Variants in HMGCLL1 observed in about 807,000 individuals in gnomAD.
The protein encoded by HMGCLL1 is 3-hydroxymethyl-3-methylglutaryl-CoA lyase, cytoplasmic.
Under a neutral mutation model 39.1 loss-of-function variants are expected in HMGCLL1, and 36 were observed. The observed-to-expected ratio is 0.92, with a 90% CI of 0.71 to 1.22. The LOEUF is 1.22. HMGCLL1 is among the 50% of genes most tolerant of loss of function. The probability of loss-of-function intolerance (pLI) is 0.00; values close to 1 mark genes in which losing one functional copy is unlikely to be tolerated. For synonymous variants in HMGCLL1, 149 were observed against 144.0 expected, an observed-to-expected ratio of 1.03 and a Z score of -0.25; for missense variants, 451 against 416.5, an observed-to-expected ratio of 1.08 and a Z score of -0.72.
At chr6:55,630,749 T>C in the HMGCLL1 span, among the ~76,000 whole-genome samples, 1 of 143,334 alleles carries the variant, frequency 7.0e-6, no homozygotes, top group Non-Finnish European at 1.5e-5. Context: ...AGGGGGACTC[T>C]CCTACACAAG....
chr6:55,634,398 G>A, the HMGCLL1 span, among the ~76,000 whole-genome samples: 20 of 104,832 alleles, frequency 1.9e-4, no homozygotes, highest in Admixed American at 1.9e-3. Flanking sequence ...CAGAATCCCT[G>A]AGTAAGCTTT....
intron 3 of HMGCLL1, among the ~76,000 whole-genome samples, chr6:55,521,159 C>T (rs1768020274): frequency 6.6e-6 from 1 of 152,044 alleles, no homozygotes; most frequent in Admixed American, 6.6e-5. Context: ...TTTAGGCTTT[C>T]AATATGTTCC....
At chr6:55,589,186 A>T in the HMGCLL1 span, among the ~76,000 whole-genome samples, 2 of 152,188 alleles carry the variant, frequency 1.3e-5, no homozygotes. Flanking sequence ...ATCCAGCAAC[A>T]CATCAAAAAC....
Position 55,477,247 on chromosome 6 carries a change from A to G in HMGCLL1, c.795+18172T>C, listed in dbSNP as rs756620635. On this transcript the variant is annotated intron_variant, in intron 7 of 8. Coordinates refer to ENST00000274901, the MANE Select transcript of HMGCLL1 (RefSeq NM_001042406.2). ...TATATAATATATATTATATTTATATAATATATAATATATATTATATAATAT... is the reference window on the plus strand; with the variant it reads ...TATATAATATATATTATATTTATATGATATATAATATATATTATATAATAT... Among the ~76,000 whole-genome samples, 42 of 17,856 alleles carry G rather than the reference A, an allele frequency of 2.4e-3. 5 individuals are homozygous for G. Among genetic ancestry groups the G allele is most frequent in the African/African-American group, 8.6e-3 (19 of 2,200 alleles). 11.7% of individuals were successfully genotyped at this position (17,856 alleles called of 152,430 possible). A position where few individuals can be genotyped will look rare whatever the true frequency, so the allele number is the denominator to read the frequency against.
intron 1 of HMGCLL1, among the ~76,000 whole-genome samples, chr6:55,562,939 G>C (rs2127471550): frequency 6.6e-6 from 1 of 151,856 alleles, no homozygotes; most frequent in South Asian, 2.1e-4. Flanking sequence ...AAAAAAAAAT[G>C]CTTTGATATA....
intron 7 of HMGCLL1, among the ~76,000 whole-genome samples, chr6:55,490,787 A>T (rs963388002): frequency 1.3e-5 from 2 of 150,676 alleles, no homozygotes; most frequent in African/African-American, 4.9e-5. Context: ...ATCCCTAAAG[A>T]CAAAATCTAA....
chr6:55,605,794 A>G, the HMGCLL1 span, among the ~76,000 whole-genome samples: 66 of 152,046 alleles, frequency 4.3e-4, no homozygotes, highest in Non-Finnish European at 7.2e-4. Context: ...CACCTTCCCA[A>G]ACTCCTGAGT....
At chr6:55,440,266 C>A (rs1763537965) in intron 7 of HMGCLL1, among the ~76,000 whole-genome samples, 2 of 152,116 alleles carry the variant, frequency 1.3e-5, no homozygotes, top group African/African-American at 4.8e-5. Context: ...GAAGTAGATA[C>A]TCTTGTATCA....
intron 3 of HMGCLL1, among the ~76,000 whole-genome samples, chr6:55,537,035 C>T (rs1769075533): frequency 6.6e-6 from 1 of 152,214 alleles, no homozygotes; most frequent in African/African-American, 2.4e-5. Flanking sequence ...TATATGTAAG[C>T]TGTTGTACTA....
At chr6:55,622,893 G>C in the HMGCLL1 span, among the ~76,000 whole-genome samples, 1 of 152,012 alleles carries the variant, frequency 6.6e-6, no homozygotes, top group East Asian at 1.9e-4. Flanking sequence ...TGGGTCCTGG[G>C]CTTTTCTTTG....
chr6:55,632,724 A>G, the HMGCLL1 span, among the ~76,000 whole-genome samples: 1 of 152,176 alleles, frequency 6.6e-6, no homozygotes, highest in Non-Finnish European at 1.5e-5. Context: ...AATGGATTTG[A>G]GCTCCTGAAG....
chr6:55,576,011 AT>A (rs1197938953), intron 1 of HMGCLL1, among the ~76,000 whole-genome samples: 1 of 152,242 alleles, frequency 6.6e-6, no homozygotes, highest in Non-Finnish European at 1.5e-5. Flanking sequence ...ATTATTGGCC[AT>A]AAAAAATTAA....
At chr6:55,673,493 T>C in the HMGCLL1 span, among the ~76,000 whole-genome samples, 1 of 151,774 alleles carries the variant, frequency 6.6e-6, no homozygotes, top group Non-Finnish European at 1.5e-5. Context: ...TAAAAACAAG[T>C]TGGGAATAAA....
the HMGCLL1 span, among the ~76,000 whole-genome samples, chr6:55,636,837 G>A: frequency 6.6e-6 from 1 of 152,142 alleles, no homozygotes; most frequent in Non-Finnish European, 1.5e-5. Context: ...AAGGTAGATT[G>A]AAGAGAGAGT....
At chr6:55,446,559 A>G (rs1186211914) in intron 7 of HMGCLL1, among the ~76,000 whole-genome samples, 1 of 151,848 alleles carries the variant, frequency 6.6e-6, no homozygotes, top group Non-Finnish European at 1.5e-5. Flanking sequence ...TCTGGAGGAG[A>G]GCAAATTGCC....
At chr6:55,483,961 G>A (rs7759158) in intron 7 of HMGCLL1, among the ~76,000 whole-genome samples, 30,910 of 152,112 alleles carry the variant, frequency 0.2, 3,158 homozygotes, top group African/African-American at 0.26. Flanking sequence ...TTTTGTATTA[G>A]TAGGGAAAGA....
chr6:55,563,707 T>C lies in HMGCLL1; in HGVS notation c.108+15241A>G, dbSNP rs180923601. 830 of 365,760 alleles carry C rather than the reference T, an allele frequency of 2.3e-3. 8 individuals carry two copies. The highest frequency in any genetic ancestry group is 0.017 in the African/African-American group (786 of 46,960). The allele number at this position is 365,760 out of a possible 1,614,324, so 22.7% of individuals were successfully genotyped here. On this transcript the variant is annotated intron_variant, in intron 1 of 8. Transcript: ENST00000274901. ...AGAACCTGATACCAAAGTTTACATA[T>C]GGCTGCATCAAAACTAGCTAAATAA...
the HMGCLL1 span, among the ~76,000 whole-genome samples, chr6:55,661,258 G>A: frequency 6.6e-6 from 1 of 151,914 alleles, no homozygotes; most frequent in Admixed American, 6.6e-5. Context: ...TTTTGTGATT[G>A]CTTTTGGCAT....
At chr6:55,642,171 T>G in the HMGCLL1 span, among the ~76,000 whole-genome samples, 10 of 142,972 alleles carry the variant, frequency 7.0e-5, no homozygotes, top group African/African-American at 2.6e-4. Context: ...TGGTTTTTTG[T>G]TCTTGCGATA....
Sources: gnomAD v4.1 joint callset for allele counts (sites outside exome capture counted in the v4.1 genomes callset) on GRCh38, gnomAD v4.1.1 for gene constraint, MANE v1.5 for transcripts, NCBI Gene and HGNC (gene_info 2026-07-23, HGNC 2026-07-21) for gene names.